FMN1: variants seen among roughly 807,000 people sequenced by gnomAD.
FMN1 encodes formin-1.
In FMN1, 110 loss-of-function variants were observed where a neutral mutation model predicts 132.4. The observed-to-expected ratio is 0.83, with a 90% CI of 0.71 to 0.97. The LOEUF is 0.97. Among genes scored for constraint, FMN1 ranks in the 50% least tolerant of loss-of-function variants. FMN1 has a pLI of 0.00. For synonymous variants in FMN1, 722 were observed against 651.7 expected (o/e 1.11, Z -1.64); for missense variants, 1,792 against 1,705.3 (o/e 1.05, Z -0.90).
chr15:33,052,688 A>T lies in FMN1; in HGVS notation c.2161+12269T>A, dbSNP rs181891441. On this transcript the variant is annotated intron_variant, in intron 6 of 20. Coordinates refer to ENST00000616417, the MANE Select transcript of FMN1 (RefSeq NM_001277313.2). Reference sequence around the variant, plus strand: ...TGGATCCCTGGTGAAACCCCACCTCAAAGCTAAAGACAGTTTAAAGCCTGA... The same window carrying T: ...TGGATCCCTGGTGAAACCCCACCTCTAAGCTAAAGACAGTTTAAAGCCTGA... Among the ~76,000 whole-genome samples, 147 of 152,332 alleles carry T rather than the reference A, an allele frequency of 9.6e-4. 1 individual carries two copies. The highest frequency in any genetic ancestry group is 3.3e-3 in the South Asian group (16 of 4,828).
intron 6 of FMN1, among the ~76,000 whole-genome samples, chr15:33,038,120 G>A (rs1004403431): frequency 6.6e-6 from 1 of 152,164 alleles, no homozygotes; most frequent in Non-Finnish European, 1.5e-5. Flanking sequence ...CCCAGCTACT[G>A]GGGAGGCTGA....
chr15:32,828,920 T>A (rs2058436434), intron 17 of FMN1, among the ~76,000 whole-genome samples: 1 of 152,190 alleles, frequency 6.6e-6, no homozygotes, highest in Non-Finnish European at 1.5e-5. Context: ...AATATAATAT[T>A]TCCTGGTAGA....
rs145543187 is a variant in FMN1, at chr15:32,989,993, C to A, written c.2223+18021G>T. On this transcript the variant is annotated intron_variant, in intron 7 of 20. Transcript: ENST00000616417. ...AAGAGGAGGAGGATTCAGAAGGAGA[C>A]AAGTAGATGAAAATAAAGATCCCTT... Among the ~76,000 whole-genome samples, 7 of 152,130 alleles carry A rather than the reference C, an allele frequency of 4.6e-5. No individual in the cohort carries two copies. The South Asian group carries it at 1.2e-3, about 27-fold the overall frequency.
At chr15:32,806,521 G>A (rs76313652) in intron 17 of FMN1, among the ~76,000 whole-genome samples, 1 of 152,174 alleles carries the variant, frequency 6.6e-6, no homozygotes, top group African/African-American at 2.4e-5. Flanking sequence ...AGGCTCCCCT[G>A]CTCAAAACCT....
At chr15:33,155,378 C>CT (rs1201185903) in intron 3 of FMN1, among the ~76,000 whole-genome samples, 1 of 152,186 alleles carries the variant, frequency 6.6e-6, no homozygotes, top group East Asian at 1.9e-4. Flanking sequence ...TAAAATAGAG[C>CT]TATCATAACT....
At chr15:33,159,130 C>T (rs145782895) in intron 3 of FMN1, among the ~76,000 whole-genome samples, 4 of 151,994 alleles carry the variant, frequency 2.6e-5, no homozygotes, top group South Asian at 2.1e-4. Context: ...TGCAGTGAGC[C>T]GAGATTGTGC....
rs869166176 is a variant in FMN1 at position 33,147,165 on chromosome 15, CAAAA to C, written c.1867+5879_1867+5882del. ...GGGAAACAAGAGCGAGACTCCGTCT[CAAAA>C]AAAAAAAAAAAAAGAAATAAAACAA... On this transcript the variant is annotated intron_variant, in intron 4 of 20. Transcript: ENST00000616417. Among the ~76,000 whole-genome samples, 562 of 69,230 alleles carry C rather than the reference CAAAA, an allele frequency of 8.1e-3. 4 individuals carry two copies. The highest frequency in any genetic ancestry group is 0.024 in the African/African-American group (542 of 22,480). The allele number at this position is 69,230 out of a possible 152,430, so 45.4% of individuals were successfully genotyped here.
At chr15:33,096,692 C>T (rs748913941) in intron 4 of FMN1, among the ~76,000 whole-genome samples, 3 of 151,904 alleles carry the variant, frequency 2.0e-5, no homozygotes, top group African/African-American at 4.8e-5. Flanking sequence ...CTTGACCTCC[C>T]GGGCTCAGGT....
chr15:32,901,014 C>T (rs2060281164), intron 13 of FMN1, among the ~76,000 whole-genome samples: 2 of 151,956 alleles, frequency 1.3e-5, no homozygotes, highest in African/African-American at 4.8e-5. Context: ...ACTAGCTGGG[C>T]GTGATGGCAG....
At position 33,099,948 on chromosome 15, in the gene FMN1, C is replaced by T. The variant is rs531098158; in HGVS notation, c.1868-10974G>A. The stretch of plus-strand genomic sequence containing the variant: ...GAGGAGGTGAGACTGGCCCTTTTTA[C>T]TATTATACCTAATAAATCATTTGCA... On this transcript the variant is annotated intron_variant, in intron 4 of 20. Coordinates refer to ENST00000616417, the MANE Select transcript of FMN1 (RefSeq NM_001277313.2). 1.0e-3 allele frequency among the ~76,000 whole-genome samples: 154 copies of T among 152,248 alleles called. 1 individual carries two copies. The highest frequency in any genetic ancestry group is 3.6e-3 in the African/African-American group (148 of 41,552).
At chr15:33,034,611 C>CT (rs2036104358) in intron 6 of FMN1, among the ~76,000 whole-genome samples, 1 of 152,080 alleles carries the variant, frequency 6.6e-6, no homozygotes, top group Non-Finnish European at 1.5e-5. Context: ...ATCCCTTACT[C>CT]TTCTCCCTGA....
At chr15:32,775,956 C>T (rs2056403185) in intron 20 of FMN1, among the ~76,000 whole-genome samples, 1 of 152,152 alleles carries the variant, frequency 6.6e-6, no homozygotes, top group Admixed American at 6.5e-5. Flanking sequence ...TGCCATTCCC[C>T]ATTGCAGGGT....
At chr15:33,036,404 C>T (rs1487429466) in intron 6 of FMN1, among the ~76,000 whole-genome samples, 1 of 152,194 alleles carries the variant, frequency 6.6e-6, no homozygotes, top group Non-Finnish European at 1.5e-5. Context: ...AGGTTTTATA[C>T]ATTAATTATC....
chr15:33,004,885 G>C (rs574570360), intron 7 of FMN1, among the ~76,000 whole-genome samples: 2 of 152,264 alleles, frequency 1.3e-5, no homozygotes, highest in South Asian at 2.1e-4. Context: ...CATGTCCTTT[G>C]TAGGGACATG....
chr15:33,052,624 T>C (rs1014655711), intron 6 of FMN1, among the ~76,000 whole-genome samples: 7 of 152,108 alleles, frequency 4.6e-5, no homozygotes, highest in African/African-American at 1.2e-4. Context: ...CCCACAATGA[T>C]AGTGACAGGA....
intron 7 of FMN1, among the ~76,000 whole-genome samples, chr15:32,998,727 G>A (rs1398045486): frequency 1.3e-5 from 2 of 152,082 alleles, no homozygotes; most frequent in Non-Finnish European, 2.9e-5. Context: ...AAACTGTCTT[G>A]GTCCACCTGT....
intron 9 of FMN1, among the ~76,000 whole-genome samples, chr15:32,950,843 T>TA (rs1394768247): frequency 6.6e-6 from 1 of 152,134 alleles, no homozygotes. Context: ...CTTAAAAGTT[T>TA]AAAAAATGTA....
chr15:33,034,255 G>C (rs113765366), intron 6 of FMN1, among the ~76,000 whole-genome samples: 1 of 151,958 alleles, frequency 6.6e-6, no homozygotes, highest in Non-Finnish European at 1.5e-5. Flanking sequence ...CTCCACCCAC[G>C]GTCATCTTCT....
chr15:32,956,503 C>T lies in FMN1; in HGVS notation c.3138+7604G>A, dbSNP rs534884649. 2.6e-5 allele frequency among the ~76,000 whole-genome samples: 4 copies of T among 152,088 alleles called. No individual in the cohort carries two copies. The South Asian group carries it at 8.3e-4, about 32-fold the overall frequency. ...CCTGTTTCCTTTCAGTAAATGCGGC[C>T]AGTCAGGAGTCCTTAAACTGAAGAA... On this transcript the variant is annotated intron_variant, in intron 9 of 20. Transcript: ENST00000616417.
Sources: gnomAD v4.1 joint callset for allele counts (sites outside exome capture counted in the v4.1 genomes callset) on GRCh38, gnomAD v4.1.1 for gene constraint, MANE v1.5 for transcripts, NCBI Gene and HGNC (gene_info 2026-07-23, HGNC 2026-07-21) for gene names.